Variants in PIK3R5 observed in about 807,000 individuals in gnomAD.
PIK3R5 encodes the protein phosphoinositide 3-kinase regulatory subunit 5.
A neutral mutation model predicts 94.9 loss-of-function variants in PIK3R5; 32 were observed. That is an observed-to-expected ratio of 0.34 (90% CI 0.25 to 0.45). The LOEUF (loss-of-function observed/expected upper bound fraction) is 0.45. PIK3R5 is among the 20% of genes least tolerant of loss of function. The pLI, the probability that PIK3R5 is intolerant of heterozygous loss-of-function variation, is 1.00. For missense variants in PIK3R5, 853 were observed against 1,144.6 expected, an observed-to-expected ratio of 0.75 and a Z score of 3.68; for synonymous variants, 443 against 479.4, an observed-to-expected ratio of 0.92 and a Z score of 0.99.
Position 8,889,870 on chromosome 17 carries a change from A to T in PIK3R5, c.811+103T>A. The T allele has an allele frequency of 8.4e-7, 1 of 1,191,360 alleles. No homozygotes were observed. Among genetic ancestry groups the T allele is most frequent in the Non-Finnish European group, 1.2e-6 (1 of 819,480 alleles). 73.8% of individuals were successfully genotyped at this position (1,191,360 alleles called of 1,614,324 possible). On this transcript the variant is annotated intron_variant, in intron 8 of 18. Coordinates refer to ENST00000447110, the MANE Select transcript of PIK3R5 (RefSeq NM_001142633.3). This position sits in a 1 kb window ranked among gnomAD's most constrained non-coding sequence, Gnocchi z 4.1. ...GCTGAAGAAGCTGAGTCCCTGAGTG[A>T]CTGTGTGGAGCAGAGCCACCAGGCC...
At position 8,881,039 on chromosome 17, in the gene PIK3R5, GCCCCAAAT is replaced by G. The variant is rs771888183; in HGVS notation, c.2383-30_2383-23del. ...TAATCTGGAAGGAAGGCCCAGGTCA[GCCCCAAAT>G]CCCTGGCCATCCAACACTGCCAGCC... is the stretch of plus-strand genomic sequence containing the variant. On this transcript the variant is annotated intron_variant, in intron 17 of 18. Transcript: ENST00000447110. This position sits in a 1 kb window ranked among gnomAD's most constrained non-coding sequence, Gnocchi z 4.8. 1 of 1,581,792 alleles carries G rather than the reference GCCCCAAAT, an allele frequency of 6.3e-7. No homozygotes were observed. The highest frequency in any genetic ancestry group is 1.3e-5 in the African/African-American group (1 of 74,272).
At chr17:8,901,317 G>T (rs920135839) in intron 5 of PIK3R5, among the ~76,000 whole-genome samples, 1 of 152,214 alleles carries the variant, frequency 6.6e-6, no homozygotes, top group Non-Finnish European at 1.5e-5. Flanking sequence ...TCTACCATGA[G>T]GTGAGGACCT....
chr17:8,900,551 A>T (rs1255057791), intron 5 of PIK3R5, among the ~76,000 whole-genome samples: 1 of 152,192 alleles, frequency 6.6e-6, no homozygotes, highest in African/African-American at 2.4e-5. Flanking sequence ...CTCCTTGGTC[A>T]CCAGGATATC....
At chr17:8,910,119 G>T (rs912489192) in intron 2 of PIK3R5, among the ~76,000 whole-genome samples, 2 of 152,242 alleles carry the variant, frequency 1.3e-5, no homozygotes, top group African/African-American at 4.8e-5. Flanking sequence ...GCGACAGCCT[G>T]GGGCAGAGGA....
At chr17:8,965,075 A>G (rs188673696) in intron 1 of PIK3R5, among the ~76,000 whole-genome samples, 1 of 152,114 alleles carries the variant, frequency 6.6e-6, no homozygotes, top group Non-Finnish European at 1.5e-5. Context: ...ATCCTCTGAG[A>G]GCAGAAAGCG....
chr17:8,921,136 C>T (rs9904574), intron 1 of PIK3R5, among the ~76,000 whole-genome samples: 2,048 of 152,218 alleles, frequency 0.013, 49 homozygotes, highest in African/African-American at 0.046. Context: ...CCACTGCACC[C>T]GGCCTGTATT....
intron 15 of PIK3R5, among the ~76,000 whole-genome samples, chr17:8,883,997 G>A (rs542186891): frequency 5.9e-5 from 9 of 152,108 alleles, no homozygotes; most frequent in Non-Finnish European, 1.2e-4. Context: ...TTATTGCTTT[G>A]TCATCACTTG....
chr17:8,931,826 C>T (rs536486640), intron 1 of PIK3R5, among the ~76,000 whole-genome samples: 2 of 152,316 alleles, frequency 1.3e-5, no homozygotes, highest in Admixed American at 6.5e-5. Flanking sequence ...AGGAACTTCA[C>T]TGGATACCTC....
chr17:8,946,497 A>C (rs1047741644), intron 1 of PIK3R5, among the ~76,000 whole-genome samples: 3 of 151,686 alleles, frequency 2.0e-5, no homozygotes, highest in Non-Finnish European at 4.4e-5. Flanking sequence ...AAGGCATCCA[A>C]GATAATCACA....
rs61761126 is a variant in PIK3R5, at chr17:8,882,689, A to G, written c.2206-808T>C. Among the ~76,000 whole-genome samples, 6,146 of 152,026 alleles carry G rather than the reference A, an allele frequency of 0.04. 417 individuals carry two copies. The highest frequency in any genetic ancestry group is 0.14 in the African/African-American group (5,791 of 41,432). Reference sequence around the variant, plus strand: ...CGACCCAAACTCAAGCTCTTCCCCAACTGGACCCCGGCCTCTTCCTGTGGT... The same window carrying G: ...CGACCCAAACTCAAGCTCTTCCCCAGCTGGACCCCGGCCTCTTCCTGTGGT... On this transcript the variant is annotated intron_variant, in intron 15 of 18. Transcript: ENST00000447110. The surrounding 1 kb of genome is among the most constrained non-coding windows in gnomAD (Gnocchi z 4.1).
chr17:8,893,262 G>A lies in PIK3R5; in HGVS notation c.482+324C>T, dbSNP rs1369773490. ...TTGCTCGCTGTGTGACCTTGGGGAA[G>A]TTGCTTGACCTCTCTGACCTCCAGT... On this transcript the variant is annotated intron_variant, in intron 6 of 18. Transcript: ENST00000447110. The surrounding 1 kb of genome is among the most constrained non-coding windows in gnomAD (Gnocchi z 5.1). 1.3e-5 allele frequency among the ~76,000 whole-genome samples: 2 copies of A among 152,156 alleles called. No homozygotes were observed. Among genetic ancestry groups the A allele is most frequent in the African/African-American group, 4.8e-5 (2 of 41,414 alleles).
Position 8,922,449 on chromosome 17 carries a change from C to T in PIK3R5, c.-13-10942G>A, listed in dbSNP as rs116943785. On this transcript the variant is annotated intron_variant, in intron 1 of 18. Transcript: ENST00000447110. ...GGTAAGCCATTTATTCACTCAAGTT[C>T]CTATGGTCACAATTCCTATGGCCCG... Among the ~76,000 whole-genome samples, 939 of 152,222 alleles carry T rather than the reference C, an allele frequency of 6.2e-3. 6 individuals carry two copies. The highest frequency in any genetic ancestry group is 8.4e-3 in the Non-Finnish European group (569 of 68,000).
intron 1 of PIK3R5, among the ~76,000 whole-genome samples, chr17:8,930,707 T>C (rs1027280937): frequency 3.9e-5 from 6 of 152,224 alleles, no homozygotes; most frequent in Non-Finnish European, 2.9e-5. Context: ...GAAATAACTA[T>C]TGATACACAC....
At chr17:8,946,435 G>A (rs1474716867) in intron 1 of PIK3R5, among the ~76,000 whole-genome samples, 1 of 151,826 alleles carries the variant, frequency 6.6e-6, no homozygotes, top group Non-Finnish European at 1.5e-5. Flanking sequence ...ACTAGGAGAT[G>A]GCGCCGTCTG....
Position 8,889,352 on chromosome 17 carries a change from G to T in PIK3R5, c.812-130C>A. ...CGGCACAAGGATATGTAGCTGGATAGGCTGAGGCTGAGTTACAGCCAGGGT... is the reference window on the plus strand; with the variant it reads ...CGGCACAAGGATATGTAGCTGGATATGCTGAGGCTGAGTTACAGCCAGGGT... On this transcript the variant is annotated intron_variant, in intron 8 of 18. Transcript: ENST00000447110. The surrounding 1 kb of genome is among the most constrained non-coding windows in gnomAD (Gnocchi z 4.1). 1 of 664,070 alleles carries T rather than the reference G, an allele frequency of 1.5e-6. No homozygotes were observed. Among genetic ancestry groups the T allele is most frequent in the East Asian group, 2.8e-5 (1 of 36,254 alleles). 41.1% of individuals were successfully genotyped at this position (664,070 alleles called of 1,614,324 possible).
chr17:8,926,725 A>G (rs573236119), intron 1 of PIK3R5, among the ~76,000 whole-genome samples: 87 of 152,310 alleles, frequency 5.7e-4, no homozygotes, highest in South Asian at 5.0e-3. Context: ...TGGGAGTACA[A>G]TTGGAGATGA....
In PIK3R5 at chr17:8,896,766, G is replaced by A. The variant is rs1202957355; in HGVS notation, c.413-3111C>T. Among the ~76,000 whole-genome samples the A allele has an allele frequency of 6.6e-6, 1 of 152,188 alleles. No individual in the cohort carries two copies. The highest frequency in any genetic ancestry group is 1.5e-5 in the Non-Finnish European group (1 of 68,032). The stretch of plus-strand genomic sequence containing the variant: ...GTATTAATGACACACGGATAGACAG[G>A]TCCATGCTGAGGGTGATGTGGGTAC... On this transcript the variant is annotated intron_variant, in intron 5 of 18. Coordinates refer to ENST00000447110, the MANE Select transcript of PIK3R5 (RefSeq NM_001142633.3). The surrounding 1 kb of genome is among the most constrained non-coding windows in gnomAD (Gnocchi z 4.0).
At chr17:8,901,700 C>A (rs2090286752) in intron 5 of PIK3R5, among the ~76,000 whole-genome samples, 1 of 152,168 alleles carries the variant, frequency 6.6e-6, no homozygotes, top group South Asian at 2.1e-4. Context: ...TTATAACATA[C>A]TTAGTATTGG....
chr17:8,919,928 T>A lies in PIK3R5; in HGVS notation c.-13-8421A>T, dbSNP rs535767163. 2.7e-5 allele frequency among the ~76,000 whole-genome samples: 4 copies of A among 148,478 alleles called. No individual in the cohort carries two copies. In the East Asian group the frequency reaches 7.9e-4, roughly 29 times the overall value. On this transcript the variant is annotated intron_variant, in intron 1 of 18. Transcript: ENST00000447110. ...TTTTTTGGACGGAGTCTCGCTCTTT[T>A]GCCCAGGCTGGAGTGCAGTGGCGTG...
Sources: allele counts gnomAD v4.1 joint callset (sites outside exome capture counted in the v4.1 genomes callset), GRCh38; gene constraint gnomAD v4.1.1; non-coding constraint Gnocchi (gnomAD v3.1); transcripts MANE v1.5; gene names NCBI Gene and HGNC (gene_info 2026-07-23, HGNC 2026-07-21).